Variants in RAB31 observed in about 807,000 individuals in gnomAD.
The protein encoded by RAB31 is ras-related protein Rab-31.
A neutral mutation model predicts 25.6 loss-of-function variants in RAB31; 21 were observed. The ratio of observed to expected loss-of-function variants is 0.82; its 90% confidence interval spans 0.58 to 1.18. The LOEUF is 1.18. RAB31 is among the 50% of genes most tolerant of loss of function. RAB31 has a pLI of 0.00. For missense variants in RAB31, 196 were observed against 250.1 expected, an observed-to-expected ratio of 0.78 and a Z score of 1.46; for synonymous variants, 87 against 84.0, an observed-to-expected ratio of 1.04 and a Z score of -0.20.
intron 1 of RAB31, among the ~76,000 whole-genome samples, chr18:9,761,876 T>C (rs1021323548): frequency 2.6e-5 from 4 of 152,178 alleles, no homozygotes; most frequent in Non-Finnish European, 4.4e-5. Flanking sequence ...GGTGTGATCT[T>C]GGCTCACTGC....
chr18:9,845,805 A>C (rs2068759016), intron 6 of RAB31, 114 bp downstream of exon 6: 2 of 1,387,048 alleles, frequency 1.4e-6, no homozygotes, highest in African/African-American at 1.5e-5. Flanking sequence ...AATTTATCGG[A>C]TGCCATGGAT....
intron 2 of RAB31, among the ~76,000 whole-genome samples, chr18:9,780,424 T>A (rs943771447): frequency 2.0e-5 from 3 of 152,224 alleles, no homozygotes; most frequent in African/African-American, 7.2e-5. Context: ...AAAAATATTT[T>A]AAAAACCCAT....
intron 2 of RAB31, among the ~76,000 whole-genome samples, chr18:9,777,287 T>C (rs948049549): frequency 6.6e-6 from 1 of 152,212 alleles, no homozygotes; most frequent in Non-Finnish European, 1.5e-5. Context: ...ATTGTATCAC[T>C]GCACTCCAGC....
intron 3 of RAB31, among the ~76,000 whole-genome samples, chr18:9,805,222 C>T (rs2068533997): frequency 6.6e-6 from 1 of 151,064 alleles, no homozygotes; most frequent in Non-Finnish European, 1.5e-5. Context: ...CACCACTGCA[C>T]TCCAGCCTGG....
chr18:9,791,959 A>C (rs1599040231), intron 2 of RAB31, among the ~76,000 whole-genome samples, 195 bp from the exon 3 acceptor site: 2 of 151,728 alleles, frequency 1.3e-5, no homozygotes, highest in African/African-American at 2.4e-5. Context: ...CAAAACCCCC[A>C]GTTGAACTAA....
chr18:9,854,271 G>T (rs1283199302), intron 6 of RAB31, among the ~76,000 whole-genome samples: 1 of 152,022 alleles, frequency 6.6e-6, no homozygotes, highest in Non-Finnish European at 1.5e-5. Context: ...GAACGTGGAG[G>T]GGAAGCCTAA....
chr18:9,857,640 T>TTAG (rs1555693010), intron 6 of RAB31, among the ~76,000 whole-genome samples: 1 of 129,232 alleles, frequency 7.7e-6, no homozygotes, highest in Non-Finnish European at 1.6e-5. Flanking sequence ...TAGCCAATAA[T>TTAG]ATAGATAGAT....
At chr18:9,795,825 A>T (rs1036938937) in intron 3 of RAB31, among the ~76,000 whole-genome samples, 5 of 152,186 alleles carry the variant, frequency 3.3e-5, no homozygotes, top group African/African-American at 1.2e-4. Context: ...AACAGTATGG[A>T]GATTCCTTAA....
chr18:9,783,659 T>C (rs1409689289), intron 2 of RAB31, among the ~76,000 whole-genome samples: 1 of 152,154 alleles, frequency 6.6e-6, no homozygotes, highest in Non-Finnish European at 1.5e-5. Context: ...AATGTTAAAC[T>C]GGAAAAATAT....
At chr18:9,720,363 T>C (rs2068067925) in intron 1 of RAB31, among the ~76,000 whole-genome samples, 2 of 152,198 alleles carry the variant, frequency 1.3e-5, no homozygotes, top group South Asian at 4.1e-4. Flanking sequence ...TGCTAGGGCG[T>C]ACATGGGAAA....
At chr18:9,727,232 T>G (rs1426810440) in intron 1 of RAB31, among the ~76,000 whole-genome samples, 1 of 152,200 alleles carries the variant, frequency 6.6e-6, no homozygotes, top group Non-Finnish European at 1.5e-5. Context: ...ACTTTCTCTG[T>G]TTGCTGGGAT....
At chr18:9,793,661 CAA>C (rs60915933) in intron 3 of RAB31, among the ~76,000 whole-genome samples, 1 of 130,992 alleles carries the variant, frequency 7.6e-6, no homozygotes, top group African/African-American at 2.8e-5. Flanking sequence ...GACTCCAGCT[CAA>C]AAAAAAAAAA....
chr18:9,770,239 T>C (rs946453427), intron 1 of RAB31, among the ~76,000 whole-genome samples: 1 of 152,184 alleles, frequency 6.6e-6, no homozygotes, highest in Non-Finnish European at 1.5e-5. Flanking sequence ...TTTTCTATTG[T>C]TTGGAATAGT....
intron 2 of RAB31, among the ~76,000 whole-genome samples, chr18:9,791,903 A>G (rs1190630139): frequency 6.6e-6 from 1 of 152,184 alleles, no homozygotes; most frequent in Non-Finnish European, 1.5e-5. Context: ...GCGCCTGGCC[A>G]GAAACAGTCT....
intron 2 of RAB31, among the ~76,000 whole-genome samples, chr18:9,788,768 C>T (rs1006883832): frequency 5.9e-5 from 9 of 152,262 alleles, no homozygotes; most frequent in Non-Finnish European, 8.8e-5. Flanking sequence ...GAGTTTGAGA[C>T]CAGCCTGGCC....
chr18:9,814,883 GAT>G, intron 4 of RAB31: 1 of 346,646 alleles, frequency 2.9e-6, no homozygotes. Context: ...AAAAATCACT[GAT>G]ATGATTTTCT....
intron 2 of RAB31, 57 bp downstream of exon 2, chr18:9,775,414 A>G (rs6506698): frequency 0.63 from 1,014,703 of 1,604,858 alleles, 323,963 homozygotes; most frequent in African/African-American, 0.86. Context: ...CATCAGAATG[A>G]CCACTCTGTC....
At chr18:9,849,551 G>C (rs1276043891) in intron 6 of RAB31, 1 of 152,512 alleles carries the variant, frequency 6.6e-6, no homozygotes, top group East Asian at 1.9e-4. Flanking sequence ...ACGGTGACAA[G>C]GCGCAGTGAC....
rs921641142 is a variant in RAB31, at chr18:9,760,162, CTTTTTGTTTTTG to C, written c.40-15097_40-15086del. Among the ~76,000 whole-genome samples, 131 of 58,570 alleles carry C rather than the reference CTTTTTGTTTTTG, an allele frequency of 2.2e-3. 2 individuals carry two copies. Among genetic ancestry groups the C allele is most frequent in the African/African-American group, 6.6e-3 (126 of 19,148 alleles). The allele number at this position is 58,570 out of a possible 152,430, so 38.4% of individuals were successfully genotyped here. A position where few individuals can be genotyped will look rare whatever the true frequency, so the allele number is the denominator to read the frequency against. On this transcript the variant is annotated intron_variant, in intron 1 of 6. Coordinates refer to ENST00000578921, the MANE Select transcript of RAB31 (RefSeq NM_006868.4). ...AATGAAATGAGCTTCTCTTTCTTTTCTTTTTGTTTTTGTTTTTGTTTTTGTTTTTGAGATAAG... is the reference window on the plus strand; with the variant it reads ...AATGAAATGAGCTTCTCTTTCTTTTCTTTTTGTTTTTGTTTTTGAGATAAG...
Sources: gnomAD v4.1 joint callset for allele counts (sites outside exome capture counted in the v4.1 genomes callset) on GRCh38, gnomAD v4.1.1 for gene constraint, MANE v1.5 for transcripts, NCBI Gene and HGNC (gene_info 2026-07-23, HGNC 2026-07-21) for gene names.